The following PTPRK variants were observed in gnomAD, a reference collection of about 807,000 sequenced individuals.
PTPRK encodes the protein protein tyrosine phosphatase receptor type K.
A neutral mutation model predicts 178.0 loss-of-function variants in PTPRK; 75 were observed. The ratio of observed to expected loss-of-function variants is 0.42; its 90% confidence interval spans 0.35 to 0.51. The LOEUF (loss-of-function observed/expected upper bound fraction) is 0.51, where lower values mean the gene tolerates loss of function less well. Among genes scored for constraint, PTPRK ranks in the 20% least tolerant of loss-of-function variants. The probability of loss-of-function intolerance (pLI) is 0.02; values close to 1 mark genes in which losing one functional copy is unlikely to be tolerated. For missense variants in PTPRK, 1,441 were observed against 1,797.8 expected (o/e 0.80, Z 3.59); for synonymous variants, 637 against 620.6 (o/e 1.03, Z -0.39).
intron 7 of PTPRK, among the ~76,000 whole-genome samples, chr6:128,096,362 T>C (rs1249170481): frequency 1.3e-5 from 2 of 152,192 alleles, no homozygotes; most frequent in African/African-American, 4.8e-5. Context: ...CACGTGGTTC[T>C]AGATAACAGA....
chr6:128,474,332 A>C (rs1851104931), intron 1 of PTPRK, among the ~76,000 whole-genome samples: 2 of 152,182 alleles, frequency 1.3e-5, no homozygotes, highest in Admixed American at 6.6e-5. Flanking sequence ...AAACTGACTT[A>C]AGACATTCAC....
chr6:128,224,297 A>G (rs1025861229), intron 5 of PTPRK, among the ~76,000 whole-genome samples: 2 of 152,182 alleles, frequency 1.3e-5, no homozygotes, highest in Non-Finnish European at 1.5e-5. Context: ...CTTGTCACTT[A>G]CCAAGTAACC....
intron 13 of PTPRK, among the ~76,000 whole-genome samples, chr6:128,031,348 C>T (rs1162334932): frequency 6.6e-6 from 1 of 152,210 alleles, no homozygotes; most frequent in Non-Finnish European, 1.5e-5. Flanking sequence ...TAAAGATATA[C>T]TTCCCATCCT....
At position 128,193,472 on chromosome 6, in the gene PTPRK, T is replaced by TTGTG. The variant is rs10681233; in HGVS notation, c.869-8751_869-8748dup. Among the ~76,000 whole-genome samples, 1,440 of 148,930 alleles carry TTGTG rather than the reference T, an allele frequency of 9.7e-3. 14 individuals carry two copies. Among genetic ancestry groups the TTGTG allele is most frequent in the African/African-American group, 0.025 (1,041 of 40,824 alleles). On this transcript the variant is annotated intron_variant, in intron 6 of 29. Transcript: ENST00000368226. ...AAATTGTATATAATTGTACTAATAC[T>TTGTG]TGTGTGTGTGTGTGTGTGTGTGTCC...
chr6:128,330,885 C>T (rs984740618), intron 2 of PTPRK, among the ~76,000 whole-genome samples: 1 of 140,046 alleles, frequency 7.1e-6, no homozygotes, highest in African/African-American at 2.9e-5. Flanking sequence ...AAAACAAAAA[C>T]AAAACAAAAC....
At chr6:128,482,705 C>T (rs1267281856) in intron 1 of PTPRK, among the ~76,000 whole-genome samples, 1 of 152,126 alleles carries the variant, frequency 6.6e-6, no homozygotes, top group Non-Finnish European at 1.5e-5. Context: ...GAACACACAC[C>T]AACCAAACAG....
At chr6:128,435,238 G>A (rs1004203328) in intron 1 of PTPRK, among the ~76,000 whole-genome samples, 10 of 152,096 alleles carry the variant, frequency 6.6e-5, no homozygotes, top group African/African-American at 2.4e-4. Flanking sequence ...TCAAGAAAAT[G>A]CTATGTTGGA....
chr6:128,360,728 T>C (rs1190369531), intron 2 of PTPRK, among the ~76,000 whole-genome samples: 1 of 152,128 alleles, frequency 6.6e-6, no homozygotes, highest in Non-Finnish European at 1.5e-5. Flanking sequence ...TGCTTTTAAA[T>C]AAACATTGGT....
chr6:128,000,573 AAC>A (rs2114690445), intron 15 of PTPRK, among the ~76,000 whole-genome samples: 1 of 152,166 alleles, frequency 6.6e-6, no homozygotes, highest in Non-Finnish European at 1.5e-5. Context: ...TTGGCTAACA[AAC>A]ATGATTCATG....
At chr6:128,117,607 A>C (rs932335588) in intron 7 of PTPRK, among the ~76,000 whole-genome samples, 2 of 152,110 alleles carry the variant, frequency 1.3e-5, no homozygotes, top group Non-Finnish European at 2.9e-5. Context: ...TAAGATTTGC[A>C]CAGCTTTTCT....
intron 7 of PTPRK, among the ~76,000 whole-genome samples, chr6:128,106,678 T>C (rs1191436774): frequency 6.6e-6 from 1 of 152,304 alleles, no homozygotes; most frequent in African/African-American, 2.4e-5. Flanking sequence ...TGTCTTTTTA[T>C]CTACAAGTGA....
At chr6:128,317,479 A>AT (rs1387814724) in intron 3 of PTPRK, among the ~76,000 whole-genome samples, 4 of 151,900 alleles carry the variant, frequency 2.6e-5, no homozygotes, top group South Asian at 2.1e-4. Context: ...GTAGATATAT[A>AT]TTTTTTTAAA....
At chr6:128,130,741 G>T (rs770754688) in intron 7 of PTPRK, among the ~76,000 whole-genome samples, 1 of 152,086 alleles carries the variant, frequency 6.6e-6, no homozygotes, top group African/African-American at 2.4e-5. Flanking sequence ...ACCAGAAAAT[G>T]GAATGGTTTT....
At chr6:128,091,602 G>C (rs141192112) in intron 7 of PTPRK, among the ~76,000 whole-genome samples, 27 of 152,270 alleles carry the variant, frequency 1.8e-4, no homozygotes, top group African/African-American at 6.0e-4. Flanking sequence ...GAGAAAGTAA[G>C]ATTTCCCATG....
chr6:128,017,218 G>A (rs78948350), intron 13 of PTPRK, among the ~76,000 whole-genome samples: 4,061 of 151,964 alleles, frequency 0.027, 191 homozygotes, highest in African/African-American at 0.092. Flanking sequence ...CTTCGTAAAC[G>A]GATCTTTGTT....
chr6:128,222,992 G>C (rs1452014716), intron 5 of PTPRK, among the ~76,000 whole-genome samples: 1 of 151,992 alleles, frequency 6.6e-6, no homozygotes, highest in Non-Finnish European at 1.5e-5. Flanking sequence ...TACTCCTGCT[G>C]ACAGGGTCAT....
intron 7 of PTPRK, among the ~76,000 whole-genome samples, chr6:128,150,584 T>C (rs995010106): frequency 1.3e-5 from 2 of 152,148 alleles, no homozygotes; most frequent in African/African-American, 4.8e-5. Flanking sequence ...ACTTCTCTGC[T>C]TCCTTGACAC....
At chr6:128,134,208 G>T (rs368446754) in intron 7 of PTPRK, among the ~76,000 whole-genome samples, 1 of 151,932 alleles carries the variant, frequency 6.6e-6, no homozygotes, top group East Asian at 1.9e-4. Flanking sequence ...CTTTTCTTAG[G>T]ACATGCGCAT....
At chr6:128,038,612 A>T (rs1776625996) in intron 13 of PTPRK, among the ~76,000 whole-genome samples, 1 of 152,200 alleles carries the variant, frequency 6.6e-6, no homozygotes, top group South Asian at 2.1e-4. Context: ...ATGATTTAGA[A>T]TCTACTGCAG....
Sources: allele counts gnomAD v4.1 joint callset (sites outside exome capture counted in the v4.1 genomes callset), GRCh38; gene constraint gnomAD v4.1.1; transcripts MANE v1.5; gene names NCBI Gene and HGNC (gene_info 2026-07-23, HGNC 2026-07-21).